Variants in NAALADL2 observed in about 807,000 individuals in gnomAD.
NAALADL2 encodes the protein inactive N-acetylated-alpha-linked acidic dipeptidase-like protein 2.
In NAALADL2, 76 loss-of-function variants were observed where a neutral mutation model predicts 87.2. The observed-to-expected ratio is 0.87, with a 90% confidence interval of 0.72 to 1.05. The LOEUF (loss-of-function observed/expected upper bound fraction) is 1.05, where lower values mean the gene tolerates loss of function less well. Ranked by LOEUF, NAALADL2 falls within the 50% of genes least tolerant of loss-of-function variation. The probability of loss-of-function intolerance (pLI) is 0.00; values close to 1 mark genes in which losing one functional copy is unlikely to be tolerated. For synonymous variants in NAALADL2, 354 were observed against 331.0 expected, an observed-to-expected ratio of 1.07 and a Z score of -0.75; for missense variants, 1,089 against 945.8, an observed-to-expected ratio of 1.15 and a Z score of -1.99.
intron 1 of NAALADL2, among the ~76,000 whole-genome samples, chr3:174,874,732 T>A (rs971779940): frequency 6.6e-6 from 1 of 152,142 alleles, no homozygotes; most frequent in Non-Finnish European, 1.5e-5. Flanking sequence ...AATGTCCTAT[T>A]TTTATGAGTA....
At chr3:175,147,960 T>C (rs9870746) in intron 2 of NAALADL2, among the ~76,000 whole-genome samples, 14,889 of 151,450 alleles carry the variant, frequency 0.098, 811 homozygotes, top group Admixed American at 0.15. Context: ...ATCCCAGCTA[T>C]ATGGGAGGCT....
At chr3:175,053,567 T>TGG (rs1315876633) in intron 1 of NAALADL2, among the ~76,000 whole-genome samples, 3 of 152,224 alleles carry the variant, frequency 2.0e-5, no homozygotes. Flanking sequence ...GTATCCAAAT[T>TGG]GGCTGTTGAT....
chr3:175,739,952 A>G (rs993197262), intron 12 of NAALADL2, among the ~76,000 whole-genome samples: 1 of 152,188 alleles, frequency 6.6e-6, no homozygotes, highest in African/African-American at 2.4e-5. Flanking sequence ...TATCCAGAGT[A>G]TGGAGGAGAG....
At chr3:174,958,992 G>C (rs897961700) in intron 1 of NAALADL2, among the ~76,000 whole-genome samples, 70 of 152,168 alleles carry the variant, frequency 4.6e-4, no homozygotes, top group African/African-American at 1.7e-3. Flanking sequence ...TTCTCTTGAA[G>C]TTTAACGCAA....
chr3:174,977,416 C>T (rs9853136), intron 1 of NAALADL2, among the ~76,000 whole-genome samples: 3,062 of 152,238 alleles, frequency 0.02, 109 homozygotes, highest in African/African-American at 0.071. Flanking sequence ...TGAGCCACTG[C>T]GGCCGACCTA....
intron 12 of NAALADL2, among the ~76,000 whole-genome samples, chr3:175,749,781 G>A (rs977421059): frequency 2.6e-5 from 4 of 152,130 alleles, no homozygotes; most frequent in East Asian, 1.9e-4. Flanking sequence ...CCCAGGTCCC[G>A]GCAGGTTACA....
chr3:174,858,309 G>A (rs111301853), upstream of NAALADL2, among the ~76,000 whole-genome samples: 898 of 151,736 alleles, frequency 5.9e-3, 9 homozygotes, highest in Middle Eastern at 0.014. Context: ...TTTATTCTAG[G>A]TGCCTTATGG....
In NAALADL2 at chr3:175,755,952, A is replaced by T. The variant is rs549379043; in HGVS notation, c.2189+534A>T. On this transcript the variant is annotated intron_variant, in intron 13 of 13. Coordinates refer to ENST00000454872, the MANE Select transcript of NAALADL2 (RefSeq NM_207015.3). Reference sequence around the variant, plus strand: ...GCTTTCTGAAAACATTTTAACAATTATATGGAAGGTGGATTAGATACAGAC... The same window carrying T: ...GCTTTCTGAAAACATTTTAACAATTTTATGGAAGGTGGATTAGATACAGAC... Among the ~76,000 whole-genome samples, 408 of 152,300 alleles carry T rather than the reference A, an allele frequency of 2.7e-3. 1 individual carries two copies. The highest frequency in any genetic ancestry group is 9.2e-3 in the African/African-American group (383 of 41,570).
intron 11 of NAALADL2, among the ~76,000 whole-genome samples, chr3:175,670,409 T>TTAAATGTAAATTTAC (rs1379807955): frequency 2.5e-4 from 35 of 141,686 alleles, no homozygotes; most frequent in African/African-American, 1.0e-3. Context: ...TAAATTTACA[T>TTAAATGTAAATTTAC]TAAATGTAAA....
intron 7 of NAALADL2, among the ~76,000 whole-genome samples, chr3:175,463,943 C>T (rs1723584175): frequency 2.0e-5 from 3 of 152,252 alleles, no homozygotes; most frequent in South Asian, 2.1e-4. Flanking sequence ...AATTCTTGTA[C>T]CTCATCCTCT....
At chr3:175,310,496 TTTA>T (rs1758229814) in intron 4 of NAALADL2, among the ~76,000 whole-genome samples, 1 of 152,066 alleles carries the variant, frequency 6.6e-6, no homozygotes, top group African/African-American at 2.4e-5. Context: ...TCTCTGATAT[TTTA>T]TTACCTTTAG....
rs994837709 is a variant in NAALADL2, at chr3:175,809,423, C to T, written c.*6220C>T. On this transcript the variant is annotated 3_prime_UTR_variant, in exon 14 of 14. Transcript: ENST00000454872. ...AATATGGATATTCTGAAAAGAAAAA[C>T]CCTTTCTAGAACACTGTGCAGGACT... 7.3e-6 allele frequency: 1 copy of T among 136,198 alleles called. No homozygotes were observed. Among genetic ancestry groups the T allele is most frequent in the South Asian group, 2.3e-4 (1 of 4,300 alleles). The allele number at this position is 136,198 out of a possible 1,614,324, so 8.4% of individuals were successfully genotyped here. A position where few individuals can be genotyped will look rare whatever the true frequency, so the allele number is the denominator to read the frequency against.
chr3:174,742,382 T>C (rs534193629), intron 3 of NAALADL2, among the ~76,000 whole-genome samples: 26 of 151,690 alleles, frequency 1.7e-4, no homozygotes, highest in Non-Finnish European at 2.7e-4. Flanking sequence ...GTTTTTTACA[T>C]CAGTTTATTT....
intron 1 of NAALADL2, among the ~76,000 whole-genome samples, chr3:174,930,771 G>A (rs988259961): frequency 2.6e-5 from 4 of 151,158 alleles, no homozygotes; most frequent in South Asian, 2.1e-4. Flanking sequence ...ACAGGCACCC[G>A]CCACCATTCC....
chr3:174,699,496 A>G (rs993593928), intron 2 of NAALADL2, among the ~76,000 whole-genome samples: 11 of 93,028 alleles, frequency 1.2e-4, no homozygotes, highest in East Asian at 7.3e-4. Context: ...CTCCATCTCA[A>G]AAAAAAAAAA....
At chr3:174,767,082 G>C (rs960164395) in intron 3 of NAALADL2, among the ~76,000 whole-genome samples, 2 of 152,168 alleles carry the variant, frequency 1.3e-5, no homozygotes, top group African/African-American at 4.8e-5. Context: ...ACAGCCTTTG[G>C]TTCAGTCTCA....
At chr3:174,495,465 A>G (rs908099959) in intron 1 of NAALADL2, among the ~76,000 whole-genome samples, 2 of 152,140 alleles carry the variant, frequency 1.3e-5, no homozygotes, top group Non-Finnish European at 2.9e-5. Context: ...TTTATTCCCA[A>G]ACCTTTTTAT....
intron 5 of NAALADL2, among the ~76,000 whole-genome samples, chr3:175,413,217 T>A (rs1713933156): frequency 6.9e-6 from 1 of 144,120 alleles, no homozygotes; most frequent in South Asian, 2.2e-4. Context: ...GCTAACACAG[T>A]GAAACCCAGG....
At chr3:175,586,217 C>T (rs890884324) in intron 10 of NAALADL2, among the ~76,000 whole-genome samples, 2 of 149,332 alleles carry the variant, frequency 1.3e-5, no homozygotes, top group Non-Finnish European at 2.9e-5. Flanking sequence ...TACACAGAAA[C>T]TTATCTTGTT....
Sources: gnomAD v4.1 joint callset for allele counts (sites outside exome capture counted in the v4.1 genomes callset) on GRCh38, gnomAD v4.1.1 for gene constraint, MANE v1.5 for transcripts, NCBI Gene and HGNC (gene_info 2026-07-23, HGNC 2026-07-21) for gene names.